The following ASTN2 variants were observed in gnomAD, a reference collection of about 807,000 sequenced individuals.
ASTN2 encodes astrotactin 2.
Under a neutral mutation model 139.8 loss-of-function variants are expected in ASTN2, and 54 were observed. That is an observed-to-expected ratio of 0.39 (90% confidence interval 0.31 to 0.48). ASTN2 has a LOEUF of 0.48. Ranked by LOEUF, ASTN2 falls within the 20% of genes least tolerant of loss-of-function variation. The pLI, the probability that ASTN2 is intolerant of heterozygous loss-of-function variation, is 0.95. For missense variants in ASTN2, 1,565 were observed against 1,725.1 expected (o/e 0.91, Z 1.64); for synonymous variants, 756 against 719.5 (o/e 1.05, Z -0.81).
chr9:117,228,608 A>T (rs1832789714), intron 2 of ASTN2, among the ~76,000 whole-genome samples: 1 of 152,160 alleles, frequency 6.6e-6, no homozygotes, highest in Non-Finnish European at 1.5e-5. Context: ...GTGGCATGAT[A>T]GGAACAGGAA....
intron 3 of ASTN2, among the ~76,000 whole-genome samples, chr9:117,211,435 C>T (rs757205132): frequency 2.0e-5 from 3 of 152,122 alleles, no homozygotes; most frequent in Non-Finnish European, 2.9e-5. Context: ...TGAGTGAGTT[C>T]TCACGAGATC....
intron 16 of ASTN2, among the ~76,000 whole-genome samples, chr9:116,707,547 T>C (rs1034921251): frequency 8.6e-5 from 13 of 151,604 alleles, no homozygotes; most frequent in African/African-American, 3.2e-4. Context: ...CCAAATGATA[T>C]ACGGTAGCCA....
intron 6 of ASTN2, among the ~76,000 whole-genome samples, chr9:117,032,409 G>A (rs1196547005): frequency 6.6e-6 from 1 of 152,126 alleles, no homozygotes; most frequent in African/African-American, 2.4e-5. Context: ...CCATAAGCAT[G>A]TTCCACAGTA....
At chr9:117,007,384 G>A (rs1319351996) in intron 7 of ASTN2, among the ~76,000 whole-genome samples, 3 of 152,160 alleles carry the variant, frequency 2.0e-5, no homozygotes, top group Non-Finnish European at 4.4e-5. Flanking sequence ...TATCTATGTT[G>A]TGCAACAATG....
chr9:116,425,440 G>C lies in ASTN2; in HGVS notation c.*411C>G. The C allele has an allele frequency of 5.6e-6, 5 of 895,120 alleles. No individual in the cohort carries two copies. Among genetic ancestry groups the C allele is most frequent in the Non-Finnish European group, 8.8e-6 (5 of 565,816 alleles). The allele number at this position is 895,120 out of a possible 1,614,324, so 55.4% of individuals were successfully genotyped here. A position where few individuals can be genotyped will look rare whatever the true frequency, so the allele number is the denominator to read the frequency against. ...TCAAAACTGTCTCCTCTAGGGGTCAGGTCAAAACTGTCCCTCCATAGGTCT... is the reference window on the plus strand; with the variant it reads ...TCAAAACTGTCTCCTCTAGGGGTCACGTCAAAACTGTCCCTCCATAGGTCT... On this transcript the variant is annotated 3_prime_UTR_variant, in exon 23 of 23. Transcript: ENST00000313400.
At chr9:117,353,533 A>G (rs1391031821) in intron 1 of ASTN2, among the ~76,000 whole-genome samples, 1 of 152,216 alleles carries the variant, frequency 6.6e-6, no homozygotes, top group East Asian at 1.9e-4. Flanking sequence ...CATAGGTTCC[A>G]AAGGAGGCCT....
intron 2 of ASTN2, among the ~76,000 whole-genome samples, chr9:117,221,896 T>C (rs1254225328): frequency 2.0e-5 from 3 of 151,578 alleles, no homozygotes; most frequent in Non-Finnish European, 4.4e-5. Context: ...GAAAGTGACT[T>C]GACCAACATC....
intron 12 of ASTN2, among the ~76,000 whole-genome samples, chr9:116,814,607 C>G (rs576446382): frequency 6.6e-6 from 1 of 151,864 alleles, no homozygotes. Context: ...AACTAAGATA[C>G]CTTCCCACTT....
intron 4 of ASTN2, among the ~76,000 whole-genome samples, chr9:117,141,101 T>A (rs916417488): frequency 1.7e-4 from 26 of 152,178 alleles, no homozygotes; most frequent in African/African-American, 6.0e-4. Flanking sequence ...GTAAAATTTA[T>A]ACTATCCATT....
At chr9:116,579,863 C>A (rs985296903) in intron 19 of ASTN2, among the ~76,000 whole-genome samples, 1 of 152,094 alleles carries the variant, frequency 6.6e-6, no homozygotes, top group Middle Eastern at 3.2e-3. Context: ...GCTCTGTCAC[C>A]CAGGCTGGAG....
chr9:116,658,614 C>G (rs1402261170), intron 16 of ASTN2, among the ~76,000 whole-genome samples: 1 of 152,026 alleles, frequency 6.6e-6, no homozygotes, highest in African/African-American at 2.4e-5. Flanking sequence ...GCTGAAAAGC[C>G]CCTGAACAAG....
chr9:117,143,468 C>T (rs1830121499), intron 3 of ASTN2, among the ~76,000 whole-genome samples: 1 of 152,124 alleles, frequency 6.6e-6, no homozygotes, highest in Non-Finnish European at 1.5e-5. Flanking sequence ...GTTTGGAATC[C>T]TCGAAGGGAA....
At chr9:116,933,560 G>C (rs1211043333) in intron 10 of ASTN2, among the ~76,000 whole-genome samples, 1 of 152,122 alleles carries the variant, frequency 6.6e-6, no homozygotes. Context: ...AGGGGGAAAA[G>C]ATGGAGAGGA....
intron 1 of ASTN2, among the ~76,000 whole-genome samples, chr9:117,348,184 A>T (rs1191197111): frequency 6.6e-6 from 1 of 152,196 alleles, no homozygotes; most frequent in Non-Finnish European, 1.5e-5. Context: ...GGTGGGGAAG[A>T]TTAAGCAATT....
At chr9:117,193,604 C>T (rs1257733982) in intron 3 of ASTN2, among the ~76,000 whole-genome samples, 1 of 145,054 alleles carries the variant, frequency 6.9e-6, no homozygotes, top group East Asian at 2.0e-4. Flanking sequence ...TGCTACTACA[C>T]ACTCCAGCCT....
At chr9:117,048,355 T>G (rs1838804998) in intron 5 of ASTN2, among the ~76,000 whole-genome samples, 1 of 152,128 alleles carries the variant, frequency 6.6e-6, no homozygotes, top group Non-Finnish European at 1.5e-5. Flanking sequence ...GCTCCTCCTT[T>G]CTCAGCCCCA....
At chr9:116,823,805 A>G (rs1831552132) in intron 11 of ASTN2, among the ~76,000 whole-genome samples, 1 of 152,226 alleles carries the variant, frequency 6.6e-6, no homozygotes, top group South Asian at 2.1e-4. Flanking sequence ...CTTCCTAAGT[A>G]CATGAAGTGG....
intron 1 of ASTN2, among the ~76,000 whole-genome samples, chr9:117,343,815 T>C (rs1158339557): frequency 6.6e-6 from 1 of 152,164 alleles, no homozygotes; most frequent in Non-Finnish European, 1.5e-5. Flanking sequence ...TTCTGCATTT[T>C]TATGCCCCTC....
intron 1 of ASTN2, among the ~76,000 whole-genome samples, chr9:117,359,932 AG>A (rs1453295546): frequency 6.6e-6 from 1 of 152,224 alleles, no homozygotes; most frequent in African/African-American, 2.4e-5. Context: ...GCAGGAGTTA[AG>A]AAGTCAGATG....
Sources: gnomAD v4.1 joint callset for allele counts (sites outside exome capture counted in the v4.1 genomes callset) on GRCh38, gnomAD v4.1.1 for gene constraint, MANE v1.5 for transcripts, NCBI Gene and HGNC (gene_info 2026-07-23, HGNC 2026-07-21) for gene names.